Variants in ANO3 observed in about 807,000 individuals in gnomAD.
ANO3 encodes the protein anoctamin-3.
Under a neutral mutation model 144.8 loss-of-function variants are expected in ANO3, and 99 were observed. That is an observed-to-expected ratio of 0.68 (90% CI 0.58 to 0.81). ANO3 has a LOEUF of 0.81. Ranked by LOEUF, ANO3 falls within the 30% of genes least tolerant of loss-of-function variation. The pLI, the probability that ANO3 is intolerant of heterozygous loss-of-function variation, is 0.00. For missense variants in ANO3, 905 were observed against 1,202.2 expected (o/e 0.75, Z 3.66); for synonymous variants, 414 against 392.6 (o/e 1.05, Z -0.64).
At chr11:26,243,360 C>T (rs1369437174) in intron 1 of ANO3, among the ~76,000 whole-genome samples, 1 of 150,522 alleles carries the variant, frequency 6.6e-6, no homozygotes, top group African/African-American at 2.4e-5. Context: ...CACAGGACTT[C>T]CCAGATTATA....
chr11:26,579,994 T>C (rs1481267929), intron 14 of ANO3, among the ~76,000 whole-genome samples: 4 of 151,846 alleles, frequency 2.6e-5, no homozygotes, highest in Non-Finnish European at 5.9e-5. Context: ...AGAAGAGATA[T>C]ACAATTTTGG....
At chr11:26,197,325 T>G (rs1851608307) in intron 1 of ANO3, among the ~76,000 whole-genome samples, 1 of 152,000 alleles carries the variant, frequency 6.6e-6, no homozygotes, top group Admixed American at 6.6e-5. Context: ...TTAAACTATA[T>G]GGGTAGTTTA....
chr11:26,475,841 A>G (rs1859947294), intron 4 of ANO3, among the ~76,000 whole-genome samples: 1 of 152,080 alleles, frequency 6.6e-6, no homozygotes, highest in South Asian at 2.1e-4. Context: ...TCACATTCTA[A>G]GAAATTCTGG....
At chr11:26,327,743 A>C (rs2133884202), upstream of ANO3, among the ~76,000 whole-genome samples, 1 of 152,354 alleles carries the variant, frequency 6.6e-6, no homozygotes, top group South Asian at 2.1e-4. Flanking sequence ...GCACATACTT[A>C]ATGTACGATG....
intron 1 of ANO3, among the ~76,000 whole-genome samples, chr11:26,294,209 T>C (rs943960169): frequency 2.0e-5 from 3 of 152,196 alleles, no homozygotes; most frequent in Non-Finnish European, 4.4e-5. Context: ...CCTGAAAATA[T>C]GATGATTGCC....
chr11:26,526,423 G>C (rs1365287528), intron 7 of ANO3, among the ~76,000 whole-genome samples: 1 of 152,076 alleles, frequency 6.6e-6, no homozygotes, highest in African/African-American at 2.4e-5. Context: ...CAAAGAACCA[G>C]TTAACAAAGA....
At chr11:26,239,453 T>C (rs894298555) in intron 1 of ANO3, among the ~76,000 whole-genome samples, 15 of 152,142 alleles carry the variant, frequency 9.9e-5, no homozygotes, top group African/African-American at 3.4e-4. Flanking sequence ...CACAACTCTC[T>C]ACTTGCTGGT....
intron 4 of ANO3, among the ~76,000 whole-genome samples, chr11:26,476,564 G>A (rs989593913): frequency 1.3e-5 from 2 of 152,178 alleles, no homozygotes; most frequent in Non-Finnish European, 2.9e-5. Flanking sequence ...GGGTCTATGA[G>A]GAGGAGTTTG....
At chr11:26,429,575 AT>A (rs1398480943) in intron 1 of ANO3, among the ~76,000 whole-genome samples, 3 of 152,262 alleles carry the variant, frequency 2.0e-5, no homozygotes, top group Admixed American at 6.5e-5. Flanking sequence ...ATAAATGTAA[AT>A]GGATTTAACC....
intron 4 of ANO3, among the ~76,000 whole-genome samples, chr11:26,502,766 A>T (rs1050668785): frequency 6.6e-6 from 1 of 151,876 alleles, no homozygotes; most frequent in African/African-American, 2.4e-5. Flanking sequence ...GAAAGTTTTC[A>T]ATGTCTTATT....
chr11:26,330,843 G>C (rs577156660), upstream of ANO3, among the ~76,000 whole-genome samples: 3 of 152,126 alleles, frequency 2.0e-5, no homozygotes, highest in Non-Finnish European at 4.4e-5. Flanking sequence ...TTGAGGTATC[G>C]AAAGTTTGGA....
chr11:26,629,850 C>T (rs535915336), intron 18 of ANO3, among the ~76,000 whole-genome samples: 9 of 152,164 alleles, frequency 5.9e-5, no homozygotes, highest in Admixed American at 3.3e-4. Context: ...AGGCTGGTCT[C>T]GAACTGCCGA....
chr11:26,616,929 T>C (rs7480145), intron 17 of ANO3, among the ~76,000 whole-genome samples: 19,860 of 152,064 alleles, frequency 0.13, 1,511 homozygotes, highest in Admixed American at 0.22. Context: ...CACGCCATCA[T>C]GCCCAGCTAA....
chr11:26,235,234 T>A (rs149828402), intron 1 of ANO3, among the ~76,000 whole-genome samples: 1 of 152,310 alleles, frequency 6.6e-6, no homozygotes, highest in African/African-American at 2.4e-5. Context: ...CATGGCCCAG[T>A]CAAGTCTATG....
At chr11:26,279,291 A>G (rs1853625991) in intron 1 of ANO3, among the ~76,000 whole-genome samples, 1 of 152,134 alleles carries the variant, frequency 6.6e-6, no homozygotes, top group Non-Finnish European at 1.5e-5. Context: ...ATAATATTAG[A>G]AATAATATTC....
intron 18 of ANO3, among the ~76,000 whole-genome samples, chr11:26,625,234 AT>A (rs1218783767): frequency 3.3e-5 from 5 of 151,972 alleles, no homozygotes; most frequent in Non-Finnish European, 7.4e-5. Context: ...TACTTTTAAC[AT>A]TTTTATCTGT....
intron 1 of ANO3, among the ~76,000 whole-genome samples, chr11:26,314,473 G>A (rs894331239): frequency 3.9e-5 from 6 of 152,112 alleles, no homozygotes; most frequent in Non-Finnish European, 8.8e-5. Flanking sequence ...CATTGTAAAT[G>A]GGGTAATATA....
At chr11:26,506,857 G>A (rs542507887) in intron 4 of ANO3, among the ~76,000 whole-genome samples, 1 of 152,220 alleles carries the variant, frequency 6.6e-6, no homozygotes, top group African/African-American at 2.4e-5. Context: ...GGTTGCTCTG[G>A]TCCTCACTTC....
intron 1 of ANO3, among the ~76,000 whole-genome samples, chr11:26,244,616 G>A (rs1335588595): frequency 6.6e-6 from 1 of 152,086 alleles, no homozygotes; most frequent in Admixed American, 6.6e-5. Context: ...AAAAATAGGT[G>A]AGCAAATACC....
Sources: allele counts gnomAD v4.1 joint callset (sites outside exome capture counted in the v4.1 genomes callset), GRCh38; gene constraint gnomAD v4.1.1; transcripts MANE v1.5; gene names NCBI Gene and HGNC (gene_info 2026-07-23, HGNC 2026-07-21).